Variants in TRAK2 observed in about 807,000 individuals in gnomAD.
TRAK2 encodes trafficking kinesin protein 2, also known as trafficking kinesin-binding protein 2.
Under a neutral mutation model 104.6 loss-of-function variants are expected in TRAK2, and 81 were observed. The ratio of observed to expected loss-of-function variants is 0.77; its 90% CI spans 0.65 to 0.93. The LOEUF (loss-of-function observed/expected upper bound fraction) is 0.93. TRAK2 is among the 40% of genes least tolerant of loss of function. The pLI is 0.00. For synonymous variants in TRAK2, 406 were observed against 394.4 expected, an observed-to-expected ratio of 1.03 and a Z score of -0.35; for missense variants, 1,002 against 1,089.0, an observed-to-expected ratio of 0.92 and a Z score of 1.12.
chr2:201,435,655 C>T (rs142428088), intron 1 of TRAK2, among the ~76,000 whole-genome samples: 1,796 of 152,274 alleles, frequency 0.012, 20 homozygotes, highest in Middle Eastern at 0.034. Flanking sequence ...ACAAAGTACA[C>T]ATTTTATTAT....
At chr2:201,397,705 T>C in intron 6 of TRAK2, 125 bp from the exon 7 acceptor site, 1 of 677,276 alleles carries the variant, frequency 1.5e-6, no homozygotes, top group Non-Finnish European at 2.5e-6. Context: ...CCCAACAACC[T>C]GTTCATACAT....
At chr2:201,439,990 T>C (rs946847928) in intron 1 of TRAK2, among the ~76,000 whole-genome samples, 11 of 144,324 alleles carry the variant, frequency 7.6e-5, no homozygotes, top group Non-Finnish European at 1.2e-4. Context: ...TGCTAAATGA[T>C]GAGTTAATGG....
chr2:201,421,968 G>A (rs1361072801), intron 1 of TRAK2, among the ~76,000 whole-genome samples: 1 of 150,240 alleles, frequency 6.7e-6, no homozygotes, highest in African/African-American at 2.4e-5. Context: ...AGAATCGCTT[G>A]AGCCTGGGAG....
chr2:201,410,839 T>C, intron 2 of TRAK2: 1 of 1,605,764 alleles, frequency 6.2e-7, no homozygotes, highest in Non-Finnish European at 8.5e-7. Context: ...TGTGGGTCTT[T>C]GTTGGGTTGG....
At chr2:201,389,674 T>G in intron 11 of TRAK2, 127 bp downstream of exon 11, 1 of 1,090,126 alleles carries the variant, frequency 9.2e-7, no homozygotes, top group Non-Finnish European at 1.3e-6. Flanking sequence ...AAAAGGACAC[T>G]GTGAGGAAAA....
intron 1 of TRAK2, among the ~76,000 whole-genome samples, chr2:201,429,670 C>T (rs757218116): frequency 2.0e-5 from 3 of 152,144 alleles, no homozygotes; most frequent in African/African-American, 7.2e-5. Context: ...CTGAAGCTTG[C>T]GCATGCGTCA....
At chr2:201,431,590 C>T (rs1349415453) in intron 1 of TRAK2, among the ~76,000 whole-genome samples, 1 of 152,248 alleles carries the variant, frequency 6.6e-6, no homozygotes. Flanking sequence ...CCTATAAGGA[C>T]ACCTGTGATT....
chr2:201,386,504 G>A lies in TRAK2; in HGVS notation c.1697-20C>T, dbSNP rs1015887192. ...GTGATCCTGAATATGCAAAACAAAG[G>A]AAGGGGAAAGGCATGTTTTACATTT... is the stretch of plus-strand genomic sequence containing the variant. On this transcript the variant is annotated intron_variant, in intron 13 of 15. Coordinates refer to ENST00000332624, the MANE Select transcript of TRAK2 (RefSeq NM_015049.3). The A allele has an allele frequency of 5.6e-6, 9 of 1,610,382 alleles. No individual in the cohort carries two copies. Among genetic ancestry groups the A allele is most frequent in the Non-Finnish European group, 7.6e-6 (9 of 1,177,094 alleles).
intron 1 of TRAK2, among the ~76,000 whole-genome samples, chr2:201,421,275 G>A (rs1190267306): frequency 6.6e-6 from 1 of 152,126 alleles, no homozygotes; most frequent in Non-Finnish European, 1.5e-5. Context: ...ACATGAAACA[G>A]TAACATATGG....
intron 2 of TRAK2, among the ~76,000 whole-genome samples, chr2:201,414,696 T>C (rs1951677159): frequency 6.6e-6 from 1 of 152,118 alleles, no homozygotes; most frequent in Non-Finnish European, 1.5e-5. Flanking sequence ...ATATCCAAAT[T>C]CTATTATTAC....
chr2:201,402,258 C>T (rs1203552688), intron 3 of TRAK2, among the ~76,000 whole-genome samples: 2 of 151,952 alleles, frequency 1.3e-5, no homozygotes, highest in Non-Finnish European at 2.9e-5. Context: ...TTCCATAGTC[C>T]CATCTTAACA....
chr2:201,389,885 G>A lies in TRAK2; in HGVS notation c.1114-5C>T, dbSNP rs1951429902. 3.7e-6 allele frequency: 6 copies of A among 1,610,582 alleles called. No individual in the cohort carries two copies. The highest frequency in any genetic ancestry group is 2.7e-5 in the African/African-American group (2 of 74,666). ...AATCTCAGCTGCCAAAGATTCCTAA[G>A]AAAAAGAGTTTGAGATTTCTAAAGT... is the stretch of plus-strand genomic sequence containing the variant. On this transcript the variant is annotated splice_region_variant and splice_polypyrimidine_tract_variant and intron_variant, in intron 10 of 15. Transcript: ENST00000332624.
chr2:201,420,354 C>CT, intron 2 of TRAK2, 63 bp downstream of exon 2: 5 of 1,372,266 alleles, frequency 3.6e-6, no homozygotes, highest in Non-Finnish European at 5.2e-6. Context: ...ATATGCTGGA[C>CT]TGAGGCATTT....
chr2:201,399,561 GTGGTCAGTTT>G, intron 4 of TRAK2, 68 bp from the exon 5 acceptor site: 1 of 1,256,096 alleles, frequency 8.0e-7, no homozygotes, highest in Non-Finnish European at 1.2e-6. Flanking sequence ...CAGAAATTTT[GTGGTCAGTTT>G]TGGTAAAATC....
At chr2:201,449,576 C>G (rs1229057182) in intron 1 of TRAK2, among the ~76,000 whole-genome samples, 1 of 149,780 alleles carries the variant, frequency 6.7e-6, no homozygotes, top group African/African-American at 2.5e-5. Flanking sequence ...CCTCCGCCTC[C>G]TGGGTTCAAG....
At position 201,392,995 on chromosome 2, in the gene TRAK2, ATT is replaced by A; in HGVS notation, c.1025_1026del (p.Glu342ValfsTer10). 1 of 1,613,778 alleles carries A rather than the reference ATT, an allele frequency of 6.2e-7. No homozygotes were observed. Among genetic ancestry groups the A allele is most frequent in the East Asian group, 2.2e-5 (1 of 44,844 alleles). ...CGAAGTTCCTTTATTTCTTCTTGGGATTCATGTAACATTCCTAGACACTCCAT... is the reference window on the plus strand; with the variant it reads ...CGAAGTTCCTTTATTTCTTCTTGGGACATGTAACATTCCTAGACACTCCAT... Reference protein sequence around the residue: ...RNMECLGMLHESQEEIKELRS... With the variant: ...RNMECLGMLHXSQEEIKELRS... On this transcript the variant is annotated frameshift_variant, in exon 10 of 16. Coordinates refer to ENST00000332624, the MANE Select transcript of TRAK2 (RefSeq NM_015049.3). LOFTEE classifies it high-confidence loss of function.
chr2:201,407,259 A>C (rs1395247999), intron 3 of TRAK2, 144 bp downstream of exon 3: 2 of 687,158 alleles, frequency 2.9e-6, no homozygotes, highest in Admixed American at 3.3e-5. Flanking sequence ...ACACAGAATT[A>C]TCTCTTCCTG....
At chr2:201,442,844 TAGAG>T (rs918615640) in intron 1 of TRAK2, among the ~76,000 whole-genome samples, 6 of 152,190 alleles carry the variant, frequency 3.9e-5, no homozygotes, top group East Asian at 1.9e-4. Flanking sequence ...GTATTCCTCT[TAGAG>T]AAAGAACTGG....
At chr2:201,430,706 G>A (rs1189858467) in intron 1 of TRAK2, among the ~76,000 whole-genome samples, 2 of 152,186 alleles carry the variant, frequency 1.3e-5, no homozygotes, top group Admixed American at 6.5e-5. Flanking sequence ...GGAGTGTCCC[G>A]ATTTTCCAGG....
Sources: gnomAD v4.1 joint callset for allele counts (sites outside exome capture counted in the v4.1 genomes callset) on GRCh38, gnomAD v4.1.1 for gene constraint, MANE v1.5 for transcripts, NCBI Gene and HGNC (gene_info 2026-07-23, HGNC 2026-07-21) for gene names.